CYP4F12: variants seen among roughly 807,000 people sequenced by gnomAD.
CYP4F12 encodes the protein cytochrome P450 4F12.
A neutral mutation model predicts 56.5 loss-of-function variants in CYP4F12; 60 were observed. The ratio of observed to expected loss-of-function variants is 1.06; its 90% confidence interval spans 0.86 to 1.32. The LOEUF is 1.32. CYP4F12 is among the 40% of genes most tolerant of loss of function. CYP4F12 has a pLI of 0.00. For synonymous variants in CYP4F12, 263 were observed against 264.9 expected, an observed-to-expected ratio of 0.99 and a Z score of 0.07; for missense variants, 711 against 683.5, an observed-to-expected ratio of 1.04 and a Z score of -0.45.
At chr19:15,675,669 TG>T (rs1394626291) in intron 2 of CYP4F12, among the ~76,000 whole-genome samples, 6 of 152,146 alleles carry the variant, frequency 3.9e-5, no homozygotes, top group Non-Finnish European at 7.3e-5. Flanking sequence ...CCTTGGATCT[TG>T]GGGACAGCTC....
rs371366124 is a variant in CYP4F12, at chr19:15,696,058, T to A, written c.1238T>A (p.Val413Asp). The change falls in exon 10 of 13, where the codon GTC (valine) becomes GAC (aspartate). Residue 413 changes from valine to aspartate, a missense_variant. Transcript: ENST00000550308. ...GACATTGTTCTCCCAGATGGCCGAG[T>A]CATCCCCAAAGGTGCCCACAGCCTC... ...TQDIVLPDGR[V>D]IPKGITCLID... The A allele has an allele frequency of 1.9e-6, 3 of 1,613,466 alleles. No homozygotes were observed. In the African/African-American group the frequency reaches 4.0e-5, roughly 22 times the overall value.
At position 15,678,429 on chromosome 19, in the gene CYP4F12, G is replaced by A; in HGVS notation, c.343+24G>A. On this transcript the variant is annotated intron_variant, in intron 3 of 12. Coordinates refer to ENST00000550308, the MANE Select transcript of CYP4F12 (RefSeq NM_023944.4). Reference sequence around the variant, plus strand: ...AGGTACCCATGCAGAGCTTGTGGTGGTGGGTGCCAGACCAAGCTTCTGTGT... The same window carrying A: ...AGGTACCCATGCAGAGCTTGTGGTGATGGGTGCCAGACCAAGCTTCTGTGT... The A allele has an allele frequency of 6.2e-7, 1 of 1,613,892 alleles. No individual in the cohort carries two copies. Among genetic ancestry groups the A allele is most frequent in the Middle Eastern group, 1.7e-4 (1 of 6,058 alleles).
At position 15,680,239 on chromosome 19, in the gene CYP4F12, G is replaced by A. The variant is rs750693455; in HGVS notation, c.344-5G>A. 10 of 1,597,054 alleles carry A rather than the reference G, an allele frequency of 6.3e-6. No homozygotes were observed. Among genetic ancestry groups the A allele is most frequent in the Non-Finnish European group, 8.5e-6 (10 of 1,171,644 alleles). ...ATGGCCCCTGATGGTCCTCGTTCAT[G>A]TCAGCTGCCATTGCACCCAAGGATA... is the stretch of plus-strand genomic sequence containing the variant. On this transcript the variant is annotated splice_region_variant and splice_polypyrimidine_tract_variant and intron_variant, in intron 3 of 12. Coordinates refer to ENST00000550308, the MANE Select transcript of CYP4F12 (RefSeq NM_023944.4).
rs369594285 is a variant in CYP4F12 at position 15,674,970 on chromosome 19, G to A, written c.198+1243G>A. On this transcript the variant is annotated intron_variant, in intron 2 of 12. Coordinates refer to ENST00000550308, the MANE Select transcript of CYP4F12 (RefSeq NM_023944.4). ...AGGCTGCTCCCTGCATGGCCCATTTGCTTGTATCTGCCCATCTCTGGGCTG... is the reference window on the plus strand; with the variant it reads ...AGGCTGCTCCCTGCATGGCCCATTTACTTGTATCTGCCCATCTCTGGGCTG... Among the ~76,000 whole-genome samples the A allele has an allele frequency of 1.1e-4, 16 of 152,338 alleles. No homozygotes were observed. In the South Asian group the frequency reaches 3.3e-3, roughly 32 times the overall value.
At chr19:15,687,053 G>A (rs112591094) in intron 9 of CYP4F12, among the ~76,000 whole-genome samples, 43,073 of 151,812 alleles carry the variant, frequency 0.28, 6,621 homozygotes, top group African/African-American at 0.4. Context: ...CGAGGCGGGC[G>A]GATCACGAGG....
chr19:15,676,488 T>TG (rs2006937751), intron 2 of CYP4F12, among the ~76,000 whole-genome samples: 1 of 21,584 alleles, frequency 4.6e-5, no homozygotes, highest in Non-Finnish European at 9.2e-5. Context: ...CACTCATTCC[T>TG]TTTCTCACTC....
chr19:15,677,132 CT>C (rs2006991645), intron 2 of CYP4F12, among the ~76,000 whole-genome samples: 1 of 111,094 alleles, frequency 9.0e-6, no homozygotes, highest in Non-Finnish European at 2.0e-5. Context: ...CATTCATATC[CT>C]CACTCACTCA....
intron 2 of CYP4F12, among the ~76,000 whole-genome samples, chr19:15,675,583 T>C (rs2006879410): frequency 1.3e-5 from 2 of 152,206 alleles, no homozygotes; most frequent in African/African-American, 4.8e-5. Context: ...AATCCCCAGA[T>C]TGAAATCAAT....
intron 7 of CYP4F12, 181 bp downstream of exon 7, chr19:15,683,944 A>T (rs896487542): frequency 3.2e-6 from 2 of 626,936 alleles, no homozygotes; most frequent in African/African-American, 3.7e-5. Context: ...GGCACTGCTA[A>T]TTCTGAAACT....
At position 15,678,164 on chromosome 19, in the gene CYP4F12, T is replaced by A. The variant is rs917213735; in HGVS notation, c.199-97T>A. 44 of 1,474,710 alleles carry A rather than the reference T, an allele frequency of 3.0e-5. No homozygotes were observed. In the African/African-American group the frequency reaches 3.9e-4, roughly 13 times the overall value. The allele number at this position is 1,474,710 out of a possible 1,614,324, so 91.4% of individuals were successfully genotyped here. A position where few individuals can be genotyped will look rare whatever the true frequency, so the allele number is the denominator to read the frequency against. On this transcript the variant is annotated intron_variant, in intron 2 of 12. Transcript: ENST00000550308. ...ACACCCTCACAGACACACACAGCAA[T>A]AATGTTTGACTGGCTATCTGGGCAT...
At chr19:15,685,017 G>A (rs777384617) in intron 8 of CYP4F12, 51 bp from the exon 9 acceptor site, 1 of 1,596,184 alleles carries the variant, frequency 6.3e-7, no homozygotes, top group South Asian at 1.1e-5. Context: ...CAATATCTGG[G>A]CGCTGTCCAC....
chr19:15,695,577 C>T (rs539557730), intron 9 of CYP4F12, among the ~76,000 whole-genome samples: 2,747 of 151,272 alleles, frequency 0.018, 2 homozygotes, highest in African/African-American at 0.064. Context: ...TCTCTAGCAT[C>T]ACGCTAAATA....
chr19:15,679,411 A>G (rs966037339), intron 3 of CYP4F12, among the ~76,000 whole-genome samples: 7 of 152,174 alleles, frequency 4.6e-5, no homozygotes, highest in Non-Finnish European at 8.8e-5. Context: ...TTATCTGTCA[A>G]CCATGGGTCC....
chr19:15,684,060 T>C (rs1028218573), intron 7 of CYP4F12: 4 of 199,656 alleles, frequency 2.0e-5, no homozygotes, highest in Admixed American at 5.7e-5. Context: ...GTATCTATGA[T>C]AAAAGATGCA....
intron 2 of CYP4F12, among the ~76,000 whole-genome samples, chr19:15,675,233 T>G (rs1392475907): frequency 1.3e-4 from 10 of 78,266 alleles, no homozygotes; most frequent in Non-Finnish European, 2.6e-4. Flanking sequence ...GGACCGGCCC[T>G]CCCCTTTGGG....
intron 3 of CYP4F12, chr19:15,678,685 G>T (rs73926877): frequency 0.29 from 110,174 of 382,362 alleles, 18,813 homozygotes; most frequent in East Asian, 0.7. Context: ...ATGGGCAAGA[G>T]AGAGATGGGT....
At chr19:15,696,258 C>A (rs1387492898) in intron 11 of CYP4F12, 33 bp downstream of exon 11, 1 of 1,613,654 alleles carries the variant, frequency 6.2e-7, no homozygotes. Flanking sequence ...CCACCACCCC[C>A]ATCCTCTACT....
In CYP4F12 at chr19:15,673,515, C is replaced by T. The variant is rs778062921; in HGVS notation, c.-1-14C>T. Reference sequence around the variant, plus strand: ...GGCCTCAGGTCCTCACCCTGCATCCCCTCTGCCCTGCAGGATGTCGCTGCT... The same window carrying T: ...GGCCTCAGGTCCTCACCCTGCATCCTCTCTGCCCTGCAGGATGTCGCTGCT... On this transcript the variant is annotated splice_polypyrimidine_tract_variant and intron_variant, in intron 1 of 12. Transcript: ENST00000550308. 4.3e-6 allele frequency: 7 copies of T among 1,611,918 alleles called. No homozygotes were observed. In the East Asian group the frequency reaches 1.3e-4, roughly 31 times the overall value.
chr19:15,677,027 C>G lies in CYP4F12; in HGVS notation c.199-1234C>G, dbSNP rs1427620742. ...CATTCCAATACCAACTCACTCATTC[C>G]TCTCCTCACTCACTCATTCCTCCCC... is the stretch of plus-strand genomic sequence containing the variant. On this transcript the variant is annotated intron_variant, in intron 2 of 12. Transcript: ENST00000550308. Among the ~76,000 whole-genome samples the G allele has an allele frequency of 1.5e-3, 223 of 145,140 alleles. 1 individual carries two copies. Among genetic ancestry groups the G allele is most frequent in the African/African-American group, 6.1e-3 (216 of 35,650 alleles).
Sources: gnomAD v4.1 joint callset for allele counts (sites outside exome capture counted in the v4.1 genomes callset) on GRCh38, gnomAD v4.1.1 for gene constraint, MANE v1.5 for transcripts, NCBI Gene and HGNC (gene_info 2026-07-23, HGNC 2026-07-21) for gene names.